The following ITPA variants were observed in gnomAD, a reference collection of about 807,000 sequenced individuals.
The protein encoded by ITPA is inosine triphosphatase, also known as inosine triphosphate pyrophosphatase.
In ITPA, 29 loss-of-function variants were observed where a neutral mutation model predicts 29.6. The observed-to-expected ratio is 0.98, with a 90% CI of 0.73 to 1.34. The LOEUF (loss-of-function observed/expected upper bound fraction) is 1.34. ITPA is among the 40% of genes most tolerant of loss of function. ITPA has a pLI of 0.00. For missense variants in ITPA, 241 were observed against 251.5 expected (o/e 0.96, Z 0.28); for synonymous variants, 103 against 99.3 (o/e 1.04, Z -0.22).
Position 3,214,158 on chromosome 20 carries a change from A to G in ITPA, c.263+100A>G. ...GATACTGCAGGTCATTCCCTGTCTT[A>G]GCATCAACAGCCTTTCACGTTGTCC... On this transcript the variant is annotated intron_variant, in intron 4 of 7. Coordinates refer to ENST00000380113, the MANE Select transcript of ITPA (RefSeq NM_033453.4). The G allele has an allele frequency of 5.1e-6, 5 of 987,338 alleles. No homozygotes were observed. The East Asian group carries it at 1.2e-4, about 24-fold the overall frequency. 61.2% of individuals were successfully genotyped at this position (987,338 alleles called of 1,614,324 possible).
At chr20:3,216,216 G>A (rs1480301356) in intron 5 of ITPA, among the ~76,000 whole-genome samples, 2 of 144,802 alleles carry the variant, frequency 1.4e-5, no homozygotes, top group Non-Finnish European at 3.0e-5. Flanking sequence ...CTGGAGTGCA[G>A]TGGCATGATC....
intron 1 of ITPA, among the ~76,000 whole-genome samples, chr20:3,211,065 TAAA>T (rs1197439578): frequency 1.1e-4 from 12 of 112,908 alleles, no homozygotes; most frequent in Non-Finnish European, 1.9e-4. Flanking sequence ...CTGTCTCAAA[TAAA>T]AAAAAAAAAA....
upstream of ITPA, among the ~76,000 whole-genome samples, chr20:3,206,631 C>A (rs1263762804): frequency 6.6e-6 from 1 of 151,500 alleles, no homozygotes; most frequent in Non-Finnish European, 1.5e-5. Context: ...GAGATCAAAA[C>A]CATCCTGGCT....
At chr20:3,211,243 G>A (rs1215923626) in intron 1 of ITPA, among the ~76,000 whole-genome samples, 1 of 148,948 alleles carries the variant, frequency 6.7e-6, no homozygotes, top group Admixed American at 6.7e-5. Flanking sequence ...TCTGCTGACT[G>A]CAACCTCCGC....
chr20:3,219,415 C>G (rs1036138079), intron 6 of ITPA, among the ~76,000 whole-genome samples: 1 of 151,796 alleles, frequency 6.6e-6, no homozygotes, highest in Non-Finnish European at 1.5e-5. Context: ...TCAAGATCAG[C>G]CTGGACACCA....
At chr20:3,226,987 TG>T (rs2067561045), downstream of ITPA, among the ~76,000 whole-genome samples, 1 of 152,180 alleles carries the variant, frequency 6.6e-6, no homozygotes, top group South Asian at 2.1e-4. The surrounding 1 kb of genome is among the most constrained non-coding windows in gnomAD (Gnocchi z 4.4). Flanking sequence ...GCCCCTGCCC[TG>T]TAAAATCCAG....
At chr20:3,225,090 G>T (rs1024402228), downstream of ITPA, among the ~76,000 whole-genome samples, 4 of 152,106 alleles carry the variant, frequency 2.6e-5, no homozygotes, top group Admixed American at 2.6e-4. Context: ...TGTGGACACA[G>T]CTACTCAGGA....
In ITPA at chr20:3,213,971, T is replaced by C; in HGVS notation, c.190-14T>C. On this transcript the variant is annotated splice_polypyrimidine_tract_variant and intron_variant, in intron 3 of 7. Coordinates refer to ENST00000380113, the MANE Select transcript of ITPA (RefSeq NM_033453.4). ...TGATCATGGGTCTCAGGGCTGTATG[T>C]CTTTGTGCTGCAGGTACAGGGGCCC... is the stretch of plus-strand genomic sequence containing the variant. The C allele has an allele frequency of 6.2e-7, 1 of 1,614,134 alleles. No individual in the cohort carries two copies. Among genetic ancestry groups the C allele is most frequent in the South Asian group, 1.1e-5 (1 of 91,086 alleles).
At chr20:3,207,995 C>CAAAAAAA (rs71195826), upstream of ITPA, among the ~76,000 whole-genome samples, 1 of 116,468 alleles carries the variant, frequency 8.6e-6, no homozygotes, top group African/African-American at 3.3e-5. Flanking sequence ...GACTCCGTCT[C>CAAAAAAA]AAAAAAAAAA....
At chr20:3,216,636 G>A (rs886961752) in intron 5 of ITPA, among the ~76,000 whole-genome samples, 1 of 151,362 alleles carries the variant, frequency 6.6e-6, no homozygotes, top group Non-Finnish European at 1.5e-5. Flanking sequence ...TGTATTTTTT[G>A]TAGAGGGGTT....
Position 3,221,929 on chromosome 20 carries a change from TG to T in ITPA, c.488+13del. 1 of 1,612,788 alleles carries T rather than the reference TG, an allele frequency of 6.2e-7. No individual in the cohort carries two copies. The highest frequency in any genetic ancestry group is 8.5e-7 in the Non-Finnish European group (1 of 1,179,488). Reference sequence around the variant, plus strand: ...GGATATGAGCAGACGTAAGGAGCCCTGCTTTTCTTCCCTGGGGTGTGGGGTT... The same window carrying T: ...GGATATGAGCAGACGTAAGGAGCCCTCTTTTCTTCCCTGGGGTGTGGGGTT... On this transcript the variant is annotated intron_variant, in intron 7 of 7. Transcript: ENST00000380113.
intron 6 of ITPA, 113 bp from the exon 7 acceptor site, chr20:3,221,728 G>T: frequency 1.0e-6 from 1 of 969,210 alleles, no homozygotes; most frequent in South Asian, 1.3e-5. Context: ...TACATTTTGC[G>T]TAAGTTGGGT....
At chr20:3,226,937 G>A (rs529932662), downstream of ITPA, among the ~76,000 whole-genome samples, 21 of 152,152 alleles carry the variant, frequency 1.4e-4, no homozygotes, top group African/African-American at 2.9e-4. The surrounding 1 kb of genome is among the most constrained non-coding windows in gnomAD (Gnocchi z 4.4). Context: ...GTGTCCTGCC[G>A]TCGGCAGTCC....
chr20:3,213,111 C>A, intron 1 of ITPA, 58 bp from the exon 2 acceptor site: 1 of 1,511,428 alleles, frequency 6.6e-7, no homozygotes, highest in Non-Finnish European at 9.2e-7. Context: ...TGACAGCTCA[C>A]GTGCTCACAT....
upstream of ITPA, among the ~76,000 whole-genome samples, chr20:3,207,779 G>A (rs534265360): frequency 3.3e-5 from 5 of 151,872 alleles, no homozygotes; most frequent in Non-Finnish European, 5.9e-5. Context: ...GGCATATCAC[G>A]ACGTCAGGAG....
chr20:3,211,065 TAA>T lies in ITPA; in HGVS notation c.66+1460_66+1461del, dbSNP rs1197439578. On this transcript the variant is annotated intron_variant, in intron 1 of 7. Coordinates refer to ENST00000380113, the MANE Select transcript of ITPA (RefSeq NM_033453.4). ...TGACAGAGTGAGACTCTGTCTCAAA[TAA>T]AAAAAAAAAAAGAAGAAGAAGAAGA... Among the ~76,000 whole-genome samples, 22 of 112,870 alleles carry T rather than the reference TAA, an allele frequency of 1.9e-4. No individual in the cohort carries two copies. The South Asian group carries it at 2.8e-3, about 14-fold the overall frequency. The allele number at this position is 112,870 out of a possible 152,430, so 74.0% of individuals were successfully genotyped here.
At chr20:3,221,775 C>A in intron 6 of ITPA, 66 bp from the exon 7 acceptor site, 1 of 1,434,728 alleles carries the variant, frequency 7.0e-7, no homozygotes, top group Non-Finnish European at 9.8e-7. Context: ...CTCATACTGG[C>A]CACTGCCCTC....
upstream of ITPA, chr20:3,204,446 C>A: frequency 7.4e-7 from 1 of 1,353,254 alleles, no homozygotes; most frequent in Admixed American, 2.3e-5. Context: ...CCCAGGTGCG[C>A]ACGCGCAGGA....
upstream of ITPA, among the ~76,000 whole-genome samples, chr20:3,207,947 A>T (rs543442192): frequency 6.6e-6 from 1 of 150,446 alleles, no homozygotes; most frequent in East Asian, 1.9e-4. Flanking sequence ...GTGAGCCAAG[A>T]TCATGCCATT....
Sources: gnomAD v4.1 joint callset for allele counts (sites outside exome capture counted in the v4.1 genomes callset) on GRCh38, gnomAD v4.1.1 for gene constraint, Gnocchi (gnomAD v3.1) non-coding constraint, MANE v1.5 for transcripts, NCBI Gene and HGNC (gene_info 2026-07-23, HGNC 2026-07-21) for gene names.